Variants in EDA observed in about 807,000 individuals in gnomAD.
EDA encodes ectodysplasin-A.
Under a neutral mutation model 23.6 loss-of-function variants are expected in EDA, and 2 were observed. The observed-to-expected ratio is 0.08, with a 90% CI of 0.03 to 0.27. The LOEUF is 0.27. EDA is among the 10% of genes least tolerant of loss of function. EDA has a pLI of 1.00. For missense variants in EDA, 229 were observed against 324.2 expected (o/e 0.71, Z 2.26); for synonymous variants, 131 against 132.0 (o/e 0.99, Z 0.05).
chrX:69,654,096 A>G (rs1306407378), intron 1 of EDA, among the ~76,000 whole-genome samples: 2 of 112,197 alleles, frequency 1.8e-5, no homozygotes, highest in Non-Finnish European at 3.8e-5. Context: ...ACTCAAATTT[A>G]CAAGAAAAAA....
At chrX:69,674,830 A>G (rs1177316279) in intron 1 of EDA, among the ~76,000 whole-genome samples, 1 of 111,249 alleles carries the variant, frequency 9.0e-6, no homozygotes, top group Admixed American at 9.6e-5. Flanking sequence ...AACGTTTAAT[A>G]CTAATTTACT....
chrX:69,760,666 G>A (rs2014281861), intron 1 of EDA, among the ~76,000 whole-genome samples: 1 of 112,054 alleles, frequency 8.9e-6, no homozygotes, highest in African/African-American at 3.2e-5. Flanking sequence ...AGGGAAATGG[G>A]TATGAAGGGA....
chrX:69,860,001 T>A lies in EDA; in HGVS notation c.397-97026T>A, dbSNP rs180729713. Among the ~76,000 whole-genome samples, 542 of 107,522 alleles carry A rather than the reference T, an allele frequency of 5.0e-3. 1 individual carries two copies. The highest frequency in any genetic ancestry group is 7.0e-3 in the Non-Finnish European group (358 of 50,961). 93.4% of individuals were successfully genotyped at this position (107,522 alleles called of 115,157 possible). On this transcript the variant is annotated intron_variant, in intron 1 of 7. Coordinates refer to ENST00000374552, the MANE Select transcript of EDA (RefSeq NM_001399.5). ...TGCCCTTCCTTGTATTTTTTTTTTT[T>A]ATCTTTGCTGGTTTAAAGTCTGTTT...
chrX:69,839,368 C>A (rs1035428694), intron 1 of EDA, among the ~76,000 whole-genome samples: 1 of 111,819 alleles, frequency 8.9e-6, no homozygotes, highest in Non-Finnish European at 1.9e-5. Context: ...TACCCTATAT[C>A]CCCAGCCTCT....
At chrX:69,945,077 A>T (rs1316973498) in intron 1 of EDA, among the ~76,000 whole-genome samples, 1 of 112,154 alleles carries the variant, frequency 8.9e-6, no homozygotes, top group Non-Finnish European at 1.9e-5. Context: ...TGGTTTTAAG[A>T]CTGTCTTTCC....
intron 1 of EDA, among the ~76,000 whole-genome samples, chrX:69,897,470 A>G (rs1398142103): frequency 1.8e-5 from 2 of 112,210 alleles, no homozygotes; most frequent in Non-Finnish European, 1.9e-5. Flanking sequence ...TAAGACATTT[A>G]TTAAAATTAG....
At chrX:69,824,923 G>T (rs1489841253) in intron 1 of EDA, among the ~76,000 whole-genome samples, 4 of 81,728 alleles carry the variant, frequency 4.9e-5, no homozygotes, top group Non-Finnish European at 9.1e-5. Flanking sequence ...GTTGAATTTT[G>T]TCAAAGGCCT....
intron 1 of EDA, among the ~76,000 whole-genome samples, chrX:69,821,027 A>T (rs2016206213): frequency 9.0e-6 from 1 of 111,723 alleles, no homozygotes; most frequent in African/African-American, 3.3e-5. Flanking sequence ...AAAATGTGGT[A>T]TATATACACC....
At chrX:69,787,065 T>A (rs958872563) in intron 1 of EDA, among the ~76,000 whole-genome samples, 2 of 103,817 alleles carry the variant, frequency 1.9e-5, no homozygotes, top group Non-Finnish European at 4.0e-5. Context: ...TTGTCTCTTT[T>A]GATCTTTGTT....
intron 2 of EDA, among the ~76,000 whole-genome samples, chrX:69,962,634 T>C (rs1315671465): frequency 2.7e-5 from 3 of 111,041 alleles, no homozygotes; most frequent in African/African-American, 9.8e-5. Flanking sequence ...TTTCACCTTG[T>C]TGGCCAGGCT....
At chrX:69,966,852 C>T (rs868027468) in intron 2 of EDA, among the ~76,000 whole-genome samples, 1 of 109,144 alleles carries the variant, frequency 9.2e-6, no homozygotes, top group Non-Finnish European at 1.9e-5. Context: ...TTTAAAAATG[C>T]AAGTTTTAGA....
chrX:69,693,100 G>A (rs1602301999), intron 1 of EDA: 1 of 111,802 alleles, frequency 8.9e-6, no homozygotes. Context: ...TGCCATTAAT[G>A]ATTGTTCTTC....
chrX:69,831,571 C>A (rs1370752967), intron 1 of EDA, among the ~76,000 whole-genome samples: 1 of 111,964 alleles, frequency 8.9e-6, no homozygotes, highest in African/African-American at 3.2e-5. Context: ...GGGTATACAC[C>A]CAGTAATGGG....
intron 2 of EDA, among the ~76,000 whole-genome samples, chrX:69,972,420 A>G (rs997559434): frequency 2.7e-5 from 3 of 111,662 alleles, no homozygotes; most frequent in Non-Finnish European, 5.6e-5. Context: ...AAGAAAGCCT[A>G]TCAGAATGTG....
rs548920140 is a variant in EDA, at chrX:69,808,058, G to A, written c.397-148969G>A. 1.6e-4 allele frequency among the ~76,000 whole-genome samples: 18 copies of A among 111,610 alleles called. No individual in the cohort carries two copies. The South Asian group carries it at 5.6e-3, about 35-fold the overall frequency. ...CAAAATGTAAATTATGAAACCTTAC[G>A]TAAATATAAATTTCTGTGCTGACAG... On this transcript the variant is annotated intron_variant, in intron 1 of 7. Transcript: ENST00000374552.
intron 1 of EDA, among the ~76,000 whole-genome samples, chrX:69,747,386 G>T (rs906115323): frequency 8.9e-6 from 1 of 112,729 alleles, no homozygotes; most frequent in African/African-American, 3.2e-5. Flanking sequence ...CCAAGGGAAA[G>T]TATGAGCAGT....
intron 1 of EDA, among the ~76,000 whole-genome samples, chrX:69,935,336 A>G (rs1011988580): frequency 1.2e-4 from 13 of 111,123 alleles, no homozygotes; most frequent in African/African-American, 4.3e-4. Context: ...CATATATGGT[A>G]GTTCTATTTT....
chrX:69,629,138 ACT>A (rs1932484182), intron 1 of EDA, among the ~76,000 whole-genome samples: 1 of 111,497 alleles, frequency 9.0e-6, no homozygotes, highest in South Asian at 3.8e-4. Flanking sequence ...GGTTTGAACT[ACT>A]CTGTCACTCT....
At chrX:69,645,483 G>T (rs762472553) in intron 1 of EDA, among the ~76,000 whole-genome samples, 42 of 100,571 alleles carry the variant, frequency 4.2e-4, no homozygotes, top group African/African-American at 1.5e-3. Flanking sequence ...GTGTTTCAAG[G>T]TTTTTTCATG....
Sources: gnomAD v4.1 joint callset for allele counts (sites outside exome capture counted in the v4.1 genomes callset) on GRCh38, gnomAD v4.1.1 for gene constraint, MANE v1.5 for transcripts, NCBI Gene and HGNC (gene_info 2026-07-23, HGNC 2026-07-21) for gene names.